The following DLC1 variants were observed in gnomAD, a reference collection of about 807,000 sequenced individuals.
DLC1 encodes the protein DLC1 Rho GTPase activating protein, also known as rho GTPase-activating protein 7.
Under a neutral mutation model 140.3 loss-of-function variants are expected in DLC1, and 54 were observed. The observed-to-expected ratio is 0.38, with a 90% confidence interval of 0.31 to 0.48. The LOEUF is 0.48. Among genes scored for constraint, DLC1 ranks in the 20% least tolerant of loss-of-function variants. The pLI, the probability that DLC1 is intolerant of heterozygous loss-of-function variation, is 0.96. For synonymous variants in DLC1, 986 were observed against 728.1 expected (o/e 1.35, Z -5.70); for missense variants, 2,536 against 1,907.0 (o/e 1.33, Z -6.14).
intron 1 of DLC1, among the ~76,000 whole-genome samples, chr8:13,536,868 A>C (rs1212587654): frequency 1.3e-5 from 2 of 152,214 alleles, no homozygotes; most frequent in Non-Finnish European, 2.9e-5. Context: ...TCTGCACTTT[A>C]AAATTTGTCT....
chr8:13,307,101 AAAAAAG>A (rs1832471040), intron 4 of DLC1, among the ~76,000 whole-genome samples: 1 of 151,516 alleles, frequency 6.6e-6, no homozygotes, highest in Non-Finnish European at 1.5e-5. Context: ...AAAAAAAAAA[AAAAAAG>A]GTAGAGATGG....
At chr8:13,396,757 G>C (rs1837060451) in intron 3 of DLC1, among the ~76,000 whole-genome samples, 1 of 152,120 alleles carries the variant, frequency 6.6e-6, no homozygotes, top group Non-Finnish European at 1.5e-5. Context: ...GTGTAGTTTA[G>C]TACAAATCTT....
At chr8:13,356,846 T>C (rs1202380282) in intron 4 of DLC1, among the ~76,000 whole-genome samples, 1 of 151,578 alleles carries the variant, frequency 6.6e-6, no homozygotes, top group South Asian at 2.1e-4. Context: ...TTTTTTATTA[T>C]TTTTTTATTT....
chr8:13,598,237 T>A (rs960662876), intron 1 of DLC1, among the ~76,000 whole-genome samples: 4 of 152,114 alleles, frequency 2.6e-5, no homozygotes, highest in African/African-American at 7.2e-5. Flanking sequence ...CTTTCTTAAT[T>A]TGTCTAATTT....
chr8:13,424,064 T>G (rs1259641011), intron 2 of DLC1, among the ~76,000 whole-genome samples: 1 of 152,186 alleles, frequency 6.6e-6, no homozygotes, highest in African/African-American at 2.4e-5. Context: ...TTAATGGAAT[T>G]TTAAGGGGGT....
chr8:13,154,368 G>C (rs1463544332), intron 5 of DLC1, among the ~76,000 whole-genome samples: 1 of 152,226 alleles, frequency 6.6e-6, no homozygotes, highest in Non-Finnish European at 1.5e-5. Context: ...GGCCCAGTGA[G>C]AATTGGAGCA....
At chr8:13,214,570 TTTTTG>T in intron 5 of DLC1, 1 of 661,860 alleles carries the variant, frequency 1.5e-6, no homozygotes, top group Admixed American at 2.3e-5. Flanking sequence ...TTTTTTTTTT[TTTTTG>T]TGGCTGCCCG....
chr8:13,109,388 C>T (rs1819873192), intron 7 of DLC1, among the ~76,000 whole-genome samples: 1 of 151,718 alleles, frequency 6.6e-6, no homozygotes, highest in African/African-American at 2.4e-5. Context: ...AAGACCGCAT[C>T]TCTACAAAAA....
At position 13,539,750 on chromosome 8, in the gene DLC1, A is replaced by G. The variant is rs868576417; in HGVS notation, c.-125-39554T>C. Among the ~76,000 whole-genome samples the G allele has an allele frequency of 1.3e-3, 187 of 147,276 alleles. 1 individual carries two copies. Among genetic ancestry groups the G allele is most frequent in the African/African-American group, 4.1e-3 (160 of 39,002 alleles). On this transcript the variant is annotated intron_variant, in intron 1 of 1. Transcript: ENST00000631382. ...ATGAGGCATTAAGAAATGTGTGTGT[A>G]TGTGTGTGTGTGTGTGTGTGTGTGT...
In DLC1 at chr8:13,240,819, A is replaced by C. The variant is rs1032435865; in HGVS notation, c.1348+64450T>G. On this transcript the variant is annotated intron_variant, in intron 5 of 17. Coordinates refer to ENST00000276297, the MANE Select transcript of DLC1 (RefSeq NM_182643.3). ...AAATGGAAATATATATATTTTCTTT[A>C]ATTAGAAATATCTTTGCTCCAAATG... Among the ~76,000 whole-genome samples, 5 of 152,332 alleles carry C rather than the reference A, an allele frequency of 3.3e-5. No individual in the cohort carries two copies. In the East Asian group the frequency reaches 9.6e-4, roughly 29 times the overall value.
At chr8:13,325,919 A>T (rs1833326218) in intron 4 of DLC1, among the ~76,000 whole-genome samples, 1 of 152,246 alleles carries the variant, frequency 6.6e-6, no homozygotes, top group Non-Finnish European at 1.5e-5. Flanking sequence ...TGTTGGTCCC[A>T]TATGATTATA....
chr8:13,154,934 G>C (rs1472283713), intron 5 of DLC1, among the ~76,000 whole-genome samples: 2 of 152,096 alleles, frequency 1.3e-5, no homozygotes, highest in African/African-American at 4.8e-5. Flanking sequence ...AAAAACTTAT[G>C]TTTTTAAAAT....
At chr8:13,276,271 G>C (rs752700969) in intron 5 of DLC1, 1 of 1,535,108 alleles carries the variant, frequency 6.5e-7, no homozygotes, top group Non-Finnish European at 8.7e-7. Context: ...CCTGCCAGCC[G>C]TCTGTCTCTA....
At chr8:13,589,424 C>T (rs1022601304) in intron 1 of DLC1, among the ~76,000 whole-genome samples, 2 of 152,116 alleles carry the variant, frequency 1.3e-5, no homozygotes, top group African/African-American at 4.8e-5. Context: ...TTTCTGACAG[C>T]TTTGAGATAG....
intron 6 of DLC1, among the ~76,000 whole-genome samples, chr8:13,111,466 T>A (rs947426281): frequency 1.3e-5 from 2 of 152,198 alleles, no homozygotes; most frequent in South Asian, 4.1e-4. Context: ...TCCTTTAATC[T>A]GTAGAAGAGT....
chr8:13,374,747 A>G (rs920946202), intron 4 of DLC1, among the ~76,000 whole-genome samples: 3 of 152,044 alleles, frequency 2.0e-5, no homozygotes, highest in African/African-American at 7.2e-5. Context: ...GTGCCATTGC[A>G]CTCCAGTCTG....
At chr8:13,170,195 C>G (rs1245872504) in intron 5 of DLC1, among the ~76,000 whole-genome samples, 2 of 152,074 alleles carry the variant, frequency 1.3e-5, no homozygotes, top group African/African-American at 4.8e-5. Flanking sequence ...TACTAAAATT[C>G]TTTAGAGATG....
chr8:13,269,178 C>A (rs1245092251), intron 5 of DLC1, among the ~76,000 whole-genome samples: 1 of 152,096 alleles, frequency 6.6e-6, no homozygotes, highest in Admixed American at 6.6e-5. Context: ...CGGCCTCATT[C>A]ATATTCTAAG....
chr8:13,099,625 G>T lies in DLC1; in HGVS notation c.2712C>A (p.Pro904=). 6.2e-7 allele frequency: 1 copy of T among 1,614,176 alleles called. No individual in the cohort carries two copies. The highest frequency in any genetic ancestry group is 8.5e-7 in the Non-Finnish European group (1 of 1,180,038). Residue 904 remains proline (P), a synonymous_variant, in exon 9 of 18, where the codon CCC becomes CCA. Coordinates refer to ENST00000276297, the MANE Select transcript of DLC1 (RefSeq NM_182643.3). ...LADLENEDIF[P]ELDDILYHVK... is the part of the protein sequence containing the mutation. The stretch of plus-strand genomic sequence containing the variant: ...CGTGGTAGAGGATGTCGTCCAGCTC[G>T]GGGAAGATGTCCTCGTTCTCCAGAT...
Sources: gnomAD v4.1 joint callset for allele counts (sites outside exome capture counted in the v4.1 genomes callset) on GRCh38, gnomAD v4.1.1 for gene constraint, MANE v1.5 for transcripts, NCBI Gene and HGNC (gene_info 2026-07-23, HGNC 2026-07-21) for gene names.